Variants in XXYLT1 observed in about 807,000 individuals in gnomAD.
The protein encoded by XXYLT1 is xyloside xylosyltransferase 1.
XXYLT1 carries 20 observed loss-of-function variants against 28.9 expected under a neutral mutation model. The observed-to-expected ratio is 0.69, with a 90% CI of 0.49 to 1.00. The LOEUF (loss-of-function observed/expected upper bound fraction) is 1.00. Ranked by LOEUF, XXYLT1 falls within the 50% of genes least tolerant of loss-of-function variation. The pLI, the probability that XXYLT1 is intolerant of heterozygous loss-of-function variation, is 0.00. For missense variants in XXYLT1, 542 were observed against 560.1 expected (o/e 0.97, Z 0.33); for synonymous variants, 257 against 253.8 (o/e 1.01, Z -0.12).
chr3:195,195,402 C>T lies in XXYLT1; in HGVS notation c.652+31307G>A, dbSNP rs9856486. On this transcript the variant is annotated intron_variant, in intron 2 of 3. Transcript: ENST00000310380. The surrounding 1 kb of genome is among the most constrained non-coding windows in gnomAD (Gnocchi z 4.4). Reference sequence around the variant, plus strand: ...CTGGCTTCCCCAGGGGTGACCACCACGGATTCCTTCCTCAGAGTCGCTCAG... The same window carrying T: ...CTGGCTTCCCCAGGGGTGACCACCATGGATTCCTTCCTCAGAGTCGCTCAG... 0.16 allele frequency among the ~76,000 whole-genome samples: 24,415 copies of T among 152,132 alleles called. 4,425 individuals are homozygous for T. The highest frequency in any genetic ancestry group is 0.45 in the African/African-American group (18,468 of 41,400).
chr3:195,270,262 T>C (rs1016100828), intron 1 of XXYLT1: 24 of 582,958 alleles, frequency 4.1e-5, no homozygotes, highest in Middle Eastern at 3.0e-4. Context: ...CCTGCAACGT[T>C]AGCAAAATGG....
chr3:195,097,997 T>G (rs1716546296), intron 3 of XXYLT1, among the ~76,000 whole-genome samples: 1 of 149,910 alleles, frequency 6.7e-6, no homozygotes, highest in Non-Finnish European at 1.5e-5. Flanking sequence ...GTGGGGCGGG[T>G]CGGGAGGGGA....
At chr3:195,120,286 C>A (rs562492171) in intron 3 of XXYLT1, among the ~76,000 whole-genome samples, 2 of 129,626 alleles carry the variant, frequency 1.5e-5, no homozygotes, top group African/African-American at 2.7e-5. Context: ...GCTCAGATGC[C>A]CCCCCCGCCC....
chr3:195,141,531 A>G (rs916628801), intron 3 of XXYLT1, among the ~76,000 whole-genome samples: 5 of 152,178 alleles, frequency 3.3e-5, no homozygotes, highest in African/African-American at 1.2e-4. Flanking sequence ...TTGACATTCT[A>G]AGACCTCAGG....
At chr3:195,143,634 C>T (rs1001734517) in intron 3 of XXYLT1, among the ~76,000 whole-genome samples, 3 of 151,408 alleles carry the variant, frequency 2.0e-5, no homozygotes, top group African/African-American at 7.3e-5. Context: ...ACGTGTCTTA[C>T]TTCCTGGAGG....
At chr3:195,266,054 CA>C (rs1356963573) in intron 1 of XXYLT1, among the ~76,000 whole-genome samples, 5 of 152,128 alleles carry the variant, frequency 3.3e-5, no homozygotes, top group Non-Finnish European at 7.4e-5. Flanking sequence ...GACAGAAAGA[CA>C]ACAGATGCTC....
At chr3:195,159,352 C>T (rs144546846) in intron 2 of XXYLT1, among the ~76,000 whole-genome samples, 10 of 152,298 alleles carry the variant, frequency 6.6e-5, no homozygotes, top group Non-Finnish European at 1.0e-4. Flanking sequence ...AGGCATTACA[C>T]GCAAGCTAGG....
In XXYLT1 at chr3:195,102,083, A is replaced by AGGGAG. The variant is rs1211228901; in HGVS notation, c.786-31977_786-31973dup. On this transcript the variant is annotated intron_variant, in intron 3 of 3. Coordinates refer to ENST00000310380, the MANE Select transcript of XXYLT1 (RefSeq NM_152531.5). ...GAATGGAAGGAGGAAGGGAAGGGAA[A>AGGGAG]GGGAGGGGAGGGGAGGGGGAAAAAG... is the stretch of plus-strand genomic sequence containing the variant. Among the ~76,000 whole-genome samples, 101 of 98,732 alleles carry AGGGAG rather than the reference A, an allele frequency of 1.0e-3. 1 individual carries two copies. The Middle Eastern group carries it at 0.018, about 17-fold the overall frequency. 64.8% of individuals were successfully genotyped at this position (98,732 alleles called of 152,430 possible).
intron 1 of XXYLT1, among the ~76,000 whole-genome samples, chr3:195,248,538 A>G (rs1215257898): frequency 6.6e-6 from 1 of 152,196 alleles, no homozygotes; most frequent in African/African-American, 2.4e-5. Context: ...GCTGCCATCC[A>G]TGTAAGACAT....
At chr3:195,123,192 C>A (rs1718451833) in intron 3 of XXYLT1, among the ~76,000 whole-genome samples, 1 of 149,906 alleles carries the variant, frequency 6.7e-6, no homozygotes, top group African/African-American at 2.5e-5. Context: ...AAAAAAAAAA[C>A]CCTACATTTT....
rs866456044 is a variant in XXYLT1 at position 195,252,148 on chromosome 3, C to T, written c.504+18407G>A. 2.6e-5 allele frequency among the ~76,000 whole-genome samples: 4 copies of T among 152,146 alleles called. No individual in the cohort carries two copies. In the East Asian group the frequency reaches 7.7e-4, roughly 29 times the overall value. On this transcript the variant is annotated intron_variant, in intron 1 of 3. Transcript: ENST00000310380. ...ATATATGAGACTGTTTACATAACTG[C>T]TGAAAACATACAAAGCAGTAATACA...
intron 3 of XXYLT1, among the ~76,000 whole-genome samples, chr3:195,084,450 G>A (rs1486589602): frequency 6.6e-6 from 1 of 152,182 alleles, no homozygotes; most frequent in Non-Finnish European, 1.5e-5. Context: ...ACCTGGGCAA[G>A]GCTGCCCAGC....
At chr3:195,161,910 G>T (rs903237292) in intron 2 of XXYLT1, among the ~76,000 whole-genome samples, 12 of 151,940 alleles carry the variant, frequency 7.9e-5, no homozygotes, top group African/African-American at 2.9e-4. Flanking sequence ...GAGCCACCAC[G>T]CCCAGCCCTG....
At chr3:195,187,261 A>C (rs1246787941) in intron 2 of XXYLT1, among the ~76,000 whole-genome samples, 1 of 149,356 alleles carries the variant, frequency 6.7e-6, no homozygotes, top group Non-Finnish European at 1.5e-5. Context: ...AAAGATAGAG[A>C]CGGGGTTTCA....
chr3:195,215,206 G>A (rs1316468079), intron 2 of XXYLT1, among the ~76,000 whole-genome samples: 14 of 148,958 alleles, frequency 9.4e-5, no homozygotes, highest in South Asian at 2.2e-4. Context: ...GGTACCAGCC[G>A]CTGCAAAATC....
At chr3:195,156,711 G>C in intron 2 of XXYLT1, 130 bp from the exon 3 acceptor site, 1 of 1,222,008 alleles carries the variant, frequency 8.2e-7, no homozygotes, top group Non-Finnish European at 1.1e-6. Context: ...ATGATGCACA[G>C]TTACCGCTGG....
intron 3 of XXYLT1, chr3:195,153,905 C>T (rs1338910494): frequency 6.6e-6 from 1 of 152,304 alleles, no homozygotes; most frequent in East Asian, 1.9e-4. Context: ...AGGCAACTTC[C>T]AGACGGAGGG....
chr3:195,122,431 G>A (rs1577054339), intron 3 of XXYLT1, among the ~76,000 whole-genome samples: 1 of 145,426 alleles, frequency 6.9e-6, no homozygotes, highest in Non-Finnish European at 1.5e-5. Context: ...CTGAGTAGTA[G>A]TACAGCAGTA....
intron 2 of XXYLT1, 96 bp downstream of exon 2, chr3:195,226,613 T>C (rs1037742914): frequency 1.4e-6 from 2 of 1,459,250 alleles, no homozygotes; most frequent in African/African-American, 2.8e-5. Context: ...AGTGGAGCTA[T>C]TCTCCCTGAT....
Sources: allele counts gnomAD v4.1 joint callset (sites outside exome capture counted in the v4.1 genomes callset), GRCh38; gene constraint gnomAD v4.1.1; non-coding constraint Gnocchi (gnomAD v3.1); transcripts MANE v1.5; gene names NCBI Gene and HGNC (gene_info 2026-07-23, HGNC 2026-07-21).